BDP1: variants seen among roughly 807,000 people sequenced by gnomAD.
The protein encoded by BDP1 is transcription factor TFIIIB component B'' homolog.
Under a neutral mutation model 266.6 loss-of-function variants are expected in BDP1, and 169 were observed. That is an observed-to-expected ratio of 0.63 (90% CI 0.56 to 0.72). The LOEUF (loss-of-function observed/expected upper bound fraction) is 0.72, where lower values mean the gene tolerates loss of function less well. Among genes scored for constraint, BDP1 ranks in the 30% least tolerant of loss-of-function variants. BDP1 has a pLI of 0.00. For missense variants in BDP1, 3,015 were observed against 3,053.8 expected, an observed-to-expected ratio of 0.99 and a Z score of 0.30; for synonymous variants, 1,090 against 1,022.4, an observed-to-expected ratio of 1.07 and a Z score of -1.26.
chr5:71,538,524 G>T (rs968440331), intron 26 of BDP1, among the ~76,000 whole-genome samples: 1 of 152,150 alleles, frequency 6.6e-6, no homozygotes, highest in Admixed American at 6.5e-5. Flanking sequence ...CAGTTTCAGA[G>T]GCTTTTAAAT....
At chr5:71,485,126 A>T (rs1763185772) in intron 8 of BDP1, among the ~76,000 whole-genome samples, 1 of 152,184 alleles carries the variant, frequency 6.6e-6, no homozygotes, top group South Asian at 2.1e-4. Context: ...ATTTTTATAG[A>T]CTATTATAAT....
Position 71,455,773 on chromosome 5 carries a change from G to A in BDP1, c.-105G>A. On this transcript the variant is annotated 5_prime_UTR_variant, in exon 1 of 39. Transcript: ENST00000358731. ...AGCTGCCCCCTGAGCTGGTGGTGTGGCTTTGTGGGGAGGGCGTAGTTCCTA... is the reference window on the plus strand; with the variant it reads ...AGCTGCCCCCTGAGCTGGTGGTGTGACTTTGTGGGGAGGGCGTAGTTCCTA... 1.0e-6 allele frequency: 1 copy of A among 961,946 alleles called. No individual in the cohort carries two copies. The highest frequency in any genetic ancestry group is 1.5e-6 in the Non-Finnish European group (1 of 650,688). The allele number at this position is 961,946 out of a possible 1,614,324, so 59.6% of individuals were successfully genotyped here. A position where few individuals can be genotyped will look rare whatever the true frequency, so the allele number is the denominator to read the frequency against.
At chr5:71,503,545 A>G (rs1561717562) in intron 15 of BDP1, among the ~76,000 whole-genome samples, 1 of 152,240 alleles carries the variant, frequency 6.6e-6, no homozygotes, top group Non-Finnish European at 1.5e-5. Flanking sequence ...TAAACAGCAT[A>G]AAGTGTTAAA....
intron 25 of BDP1, among the ~76,000 whole-genome samples, chr5:71,526,195 G>A (rs950028065): frequency 6.6e-6 from 1 of 152,218 alleles, no homozygotes; most frequent in Non-Finnish European, 1.5e-5. Context: ...CCGGCACCTC[G>A]GGAGGCCGAG....
intron 34 of BDP1, among the ~76,000 whole-genome samples, chr5:71,552,447 A>C (rs2111976993): frequency 6.6e-6 from 1 of 152,388 alleles, no homozygotes; most frequent in East Asian, 1.9e-4. Context: ...CAATCTCGGC[A>C]CTTTGGGAGG....
At chr5:71,569,512 C>G (rs374557268), downstream of BDP1, among the ~76,000 whole-genome samples, 1 of 151,852 alleles carries the variant, frequency 6.6e-6, no homozygotes. Flanking sequence ...TTTGGGAGGC[C>G]GAGATGGGAG....
rs1039669127 is a variant in BDP1, at chr5:71,565,404, C to T, written c.*519C>T. ...GATGGACCACATATATTACAGTGGT[C>T]CCATGCAATTAAAATGGAGATAAAT... On this transcript the variant is annotated 3_prime_UTR_variant, in exon 39 of 39. Coordinates refer to ENST00000358731, the MANE Select transcript of BDP1 (RefSeq NM_018429.3). 3 of 152,360 alleles carry T rather than the reference C, an allele frequency of 2.0e-5. No individual in the cohort carries two copies. Among genetic ancestry groups the T allele is most frequent in the East Asian group, 1.9e-4 (1 of 5,204 alleles). The allele number at this position is 152,360 out of a possible 1,614,324, so 9.4% of individuals were successfully genotyped here.
Position 71,476,984 on chromosome 5 carries a change from G to A in BDP1, c.1014+6495G>A, listed in dbSNP as rs374566751. Among the ~76,000 whole-genome samples the A allele has an allele frequency of 4.0e-5, 6 of 151,734 alleles. No homozygotes were observed. In the East Asian group the frequency reaches 1.2e-3, roughly 29 times the overall value. ...TCCCAAAGTGCTGGGAATTACAGGC[G>A]TGAGCCATCGTGCCCGGCCCCCCCA... On this transcript the variant is annotated intron_variant, in intron 7 of 38. Transcript: ENST00000358731.
the BDP1 span, among the ~76,000 whole-genome samples, chr5:71,575,742 A>G: frequency 6.6e-6 from 1 of 152,142 alleles, no homozygotes; most frequent in Non-Finnish European, 1.5e-5. Flanking sequence ...TTATCAATGG[A>G]GAGTTTTACC....
At chr5:71,562,239 G>T in intron 37 of BDP1, 35 bp from the exon 38 acceptor site, 1 of 1,313,966 alleles carries the variant, frequency 7.6e-7, no homozygotes, top group Non-Finnish European at 1.1e-6. Flanking sequence ...TGTCTTCCTG[G>T]GTATTCTTGA....
chr5:71,541,558 T>C lies in BDP1; in HGVS notation c.6127T>C (p.Ser2043Pro), dbSNP rs1382303129. The C allele has an allele frequency of 6.2e-7, 1 of 1,612,082 alleles. No homozygotes were observed. Among genetic ancestry groups the C allele is most frequent in the Non-Finnish European group, 8.5e-7 (1 of 1,178,376 alleles). The stretch of plus-strand genomic sequence containing the variant: ...AATTGTTCATGAATGTCAGGAACTT[T>C]CTTCACCTGTCATTACTACATCTCC... ...HKIVHECQELSSPVITTSPAS... is the reference protein window; with the variant it reads ...HKIVHECQELPSPVITTSPAS... The change falls in exon 29 of 39, where the codon TCT becomes CCT. Residue 2043 changes from serine (S) to proline (P), a missense_variant. Ser to Pro is a moderately conservative substitution (Grantham distance 74). Around this residue, in one of 3 missense-constraint regions of BDP1, gnomAD observed 2,383 missense variants for 2,404.9 expected, o/e 0.99. Transcript: ENST00000358731.
rs1744074834 is a variant in BDP1, at chr5:71,567,040, T to C, written c.*2155T>C. On this transcript the variant is annotated 3_prime_UTR_variant, in exon 39 of 39. Transcript: ENST00000358731. Reference sequence around the variant, plus strand: ...TAACACTTTGTCAGAGAGGAGGCTATATAATTCGGAGCGGAAATTGTCTAT... The same window carrying C: ...TAACACTTTGTCAGAGAGGAGGCTACATAATTCGGAGCGGAAATTGTCTAT... 2 of 152,336 alleles carry C rather than the reference T, an allele frequency of 1.3e-5. No homozygotes were observed. The highest frequency in any genetic ancestry group is 4.1e-4 in the South Asian group (2 of 4,828). The allele number at this position is 152,336 out of a possible 1,614,324, so 9.4% of individuals were successfully genotyped here.
At chr5:71,526,316 C>CTT (rs35458822) in intron 25 of BDP1, among the ~76,000 whole-genome samples, 53 of 147,750 alleles carry the variant, frequency 3.6e-4, no homozygotes, top group South Asian at 1.1e-3. Context: ...AAGGGACATA[C>CTT]TTTTTTTTTT....
chr5:71,526,754 C>G lies in BDP1; in HGVS notation c.5772+2431C>G, dbSNP rs902401489. Among the ~76,000 whole-genome samples the G allele has an allele frequency of 4.5e-5, 6 of 133,564 alleles. No individual in the cohort carries two copies. The Admixed American group carries it at 4.9e-4, about 11-fold the overall frequency. 87.6% of individuals were successfully genotyped at this position (133,564 alleles called of 152,430 possible). The stretch of plus-strand genomic sequence containing the variant: ...CCAGTCTGGAGTGCAGTGGTGGGAT[C>G]TTGGCTCATTGCAACCTCCACCTCC... On this transcript the variant is annotated intron_variant, in intron 25 of 38. Transcript: ENST00000358731.
chr5:71,509,333 G>C (rs936159861), intron 16 of BDP1, 132 bp from the exon 17 acceptor site: 2 of 963,056 alleles, frequency 2.1e-6, no homozygotes, highest in Non-Finnish European at 2.9e-6. Context: ...TTTACCCAGC[G>C]ATTCCTAGGC....
intron 35 of BDP1, among the ~76,000 whole-genome samples, chr5:71,554,594 A>G (rs956273525): frequency 4.6e-5 from 7 of 152,196 alleles, no homozygotes; most frequent in African/African-American, 1.2e-4. Context: ...CTTTAATGAC[A>G]TGGACAAAAG....
At chr5:71,534,360 G>A (rs1000803079) in intron 26 of BDP1, among the ~76,000 whole-genome samples, 2 of 152,152 alleles carry the variant, frequency 1.3e-5, no homozygotes, top group African/African-American at 2.4e-5. Flanking sequence ...CCATTGAATA[G>A]TCTTGGCACC....
rs763059067 is a variant in BDP1 at position 71,511,135 on chromosome 5, C to T, written c.4043C>T (p.Pro1348Leu). ...QSGSNDFSAV[P>L]SLDIQNISSE... ...GGTAGCAATGACTTCAGTGCTGTGC[C>T]TTCACTAGATATTCAGGTATGTATT... The change falls in exon 17 of 39, where the codon CCT (proline) becomes CTT (leucine). Residue 1348 changes from proline to leucine, a missense_variant. This residue lies in a region of BDP1 where 2,383 missense variants were observed against 2,404.9 expected (regional missense o/e 0.99). Transcript: ENST00000358731. The T allele has an allele frequency of 7.5e-6, 12 of 1,608,148 alleles. No homozygotes were observed. Among genetic ancestry groups the T allele is most frequent in the Admixed American group, 1.7e-5 (1 of 58,612 alleles).
chr5:71,545,089 C>T lies in BDP1; in HGVS notation c.6614C>T (p.Ala2205Val), dbSNP rs1484572310. 6.2e-7 allele frequency: 1 copy of T among 1,613,652 alleles called. No individual in the cohort carries two copies. Among genetic ancestry groups the T allele is most frequent in the Admixed American group, 1.7e-5 (1 of 59,968 alleles). The change falls in exon 32 of 39, where the codon GCT (alanine) becomes GTT (valine). Residue 2205 changes from alanine (A) to valine (V), a missense_variant. Around this residue, in one of 3 missense-constraint regions of BDP1, gnomAD observed 629 missense variants for 632.5 expected, o/e 0.99. Transcript: ENST00000358731. ...CAGGAGGTTCACATGTTGTCAGTTG[C>T]TCCAGTTGCTTCCTCTGAGACAGGG... ...SSQEVHMLSVAPVASSETGPC... is the reference protein window; with the variant it reads ...SSQEVHMLSVVPVASSETGPC...
Sources: gnomAD v4.1 joint callset for allele counts (sites outside exome capture counted in the v4.1 genomes callset) on GRCh38, gnomAD v4.1.1 for gene constraint, gnomAD v4.1.1 regional missense constraint, MANE v1.5 for transcripts, NCBI Gene and HGNC (gene_info 2026-07-23, HGNC 2026-07-21) for gene names.